The following DAPK1 variants were observed in gnomAD, a reference collection of about 807,000 sequenced individuals.
DAPK1 encodes the protein death-associated protein kinase 1.
A neutral mutation model predicts 144.9 loss-of-function variants in DAPK1; 56 were observed. That is an observed-to-expected ratio of 0.39 (90% CI 0.31 to 0.48). DAPK1 has a LOEUF of 0.48. Ranked by LOEUF, DAPK1 falls within the 20% of genes least tolerant of loss-of-function variation. The pLI is 0.95. For synonymous variants in DAPK1, 690 were observed against 749.0 expected, an observed-to-expected ratio of 0.92 and a Z score of 1.29; for missense variants, 1,454 against 1,875.4, an observed-to-expected ratio of 0.78 and a Z score of 4.15.
intron 3 of DAPK1, chr9:87,632,923 A>ATATATATATATATATATATATATAT (rs1829756847): frequency 5.7e-6 from 4 of 698,206 alleles, no homozygotes; most frequent in Non-Finnish European, 6.7e-6. Context: ...TATATATATA[A>ATATATATATATATATATATATATAT]ATGAAGGGTG....
chr9:87,614,726 G>A (rs1204873455), intron 3 of DAPK1, among the ~76,000 whole-genome samples: 5 of 152,178 alleles, frequency 3.3e-5, no homozygotes, highest in Non-Finnish European at 7.3e-5. Context: ...CGCTGCTCCA[G>A]TATGTTCCCC....
intron 19 of DAPK1, among the ~76,000 whole-genome samples, chr9:87,674,183 A>C (rs1824276298): frequency 1.3e-5 from 2 of 152,132 alleles, no homozygotes; most frequent in South Asian, 4.1e-4. Context: ...CCATCCTTCT[A>C]ATCAGATTTT....
At chr9:87,514,126 C>G (rs1478855171) in intron 2 of DAPK1, among the ~76,000 whole-genome samples, 1 of 152,142 alleles carries the variant, frequency 6.6e-6, no homozygotes, top group East Asian at 1.9e-4. Context: ...AGAGATCAGT[C>G]TTGACTGATG....
intron 18 of DAPK1, among the ~76,000 whole-genome samples, chr9:87,662,040 T>A (rs1343571214): frequency 6.6e-6 from 1 of 152,166 alleles, no homozygotes. Context: ...TTTCTGCAAA[T>A]AGATATCCAA....
At chr9:87,674,427 A>G (rs921194198) in intron 19 of DAPK1, among the ~76,000 whole-genome samples, 1 of 150,406 alleles carries the variant, frequency 6.6e-6, no homozygotes. Flanking sequence ...AGGCAGTAGA[A>G]TCGCTTGAAC....
At chr9:87,558,607 C>T (rs4878102) in intron 2 of DAPK1, among the ~76,000 whole-genome samples, 52,012 of 151,994 alleles carry the variant, frequency 0.34, 9,226 homozygotes, top group Middle Eastern at 0.51. Context: ...TTCCTCGATA[C>T]TAGCTGGTCT....
At chr9:87,630,565 C>T (rs536387382) in intron 3 of DAPK1, among the ~76,000 whole-genome samples, 1 of 152,236 alleles carries the variant, frequency 6.6e-6, no homozygotes, top group East Asian at 1.9e-4. Context: ...TGGGGGATTA[C>T]ATCGGATGTT....
Position 87,681,629 on chromosome 9 carries a change from A to G in DAPK1, c.2224+3A>G, listed in dbSNP as rs774363330. On this transcript the variant is annotated splice_donor_region_variant and intron_variant, in intron 20 of 25. Coordinates refer to ENST00000408954, the MANE Select transcript of DAPK1 (RefSeq NM_004938.4). ...ACCCCTGGCTTCTAAGCCCACAGGT[A>G]GGAACCTCCATGCTGGCCCCGTCTC... 8.9e-6 allele frequency: 13 copies of G among 1,452,840 alleles called. No homozygotes were observed. The highest frequency in any genetic ancestry group is 3.5e-4 in the Middle Eastern group (2 of 5,756). 90.0% of individuals were successfully genotyped at this position (1,452,840 alleles called of 1,614,324 possible). A position where few individuals can be genotyped will look rare whatever the true frequency, so the allele number is the denominator to read the frequency against.
At chr9:87,520,552 G>GC (rs1255309628) in intron 2 of DAPK1, among the ~76,000 whole-genome samples, 3 of 152,206 alleles carry the variant, frequency 2.0e-5, no homozygotes. Context: ...GTTGTTTGAA[G>GC]CAGGTGTTTA....
At chr9:87,519,532 CAG>C (rs1825213684) in intron 2 of DAPK1, among the ~76,000 whole-genome samples, 1 of 146,506 alleles carries the variant, frequency 6.8e-6, no homozygotes, top group South Asian at 2.3e-4. Flanking sequence ...CTGATCATGT[CAG>C]AGACATCTGC....
rs73481348 is a variant in DAPK1 at position 87,631,029 on chromosome 9, C to G, written c.285-6914C>G. ...TCCTTATATCTCTTCAAGTCACCCA[C>G]CCCTTGAGGCCAGAATTGGAGCTGG... is the stretch of plus-strand genomic sequence containing the variant. On this transcript the variant is annotated intron_variant, in intron 3 of 25. Coordinates refer to ENST00000408954, the MANE Select transcript of DAPK1 (RefSeq NM_004938.4). 4.7e-3 allele frequency among the ~76,000 whole-genome samples: 720 copies of G among 152,288 alleles called. 3 individuals are homozygous for G. The highest frequency in any genetic ancestry group is 0.016 in the African/African-American group (685 of 41,552).
intron 2 of DAPK1, among the ~76,000 whole-genome samples, chr9:87,507,416 G>T (rs1169198939): frequency 6.6e-6 from 1 of 152,158 alleles, no homozygotes; most frequent in East Asian, 1.9e-4. Context: ...TGTTAGTCTG[G>T]CTGGTCTTGA....
chr9:87,693,091 C>T (rs898291770), intron 21 of DAPK1, among the ~76,000 whole-genome samples: 1 of 147,030 alleles, frequency 6.8e-6, no homozygotes, highest in African/African-American at 2.5e-5. Flanking sequence ...GAGAGCTCTA[C>T]AGCTTCCTGC....
chr9:87,564,441 T>G (rs1827042782), intron 2 of DAPK1, among the ~76,000 whole-genome samples: 1 of 152,086 alleles, frequency 6.6e-6, no homozygotes, highest in South Asian at 2.1e-4. Flanking sequence ...ACAGAATACG[T>G]GAGAATGGGT....
chr9:87,615,401 G>T (rs1829059978), intron 3 of DAPK1, among the ~76,000 whole-genome samples: 1 of 152,254 alleles, frequency 6.6e-6, no homozygotes, highest in African/African-American at 2.4e-5. Context: ...AATGAAGGCA[G>T]TGACCGAGCA....
At chr9:87,667,950 T>G (rs1831116064) in intron 18 of DAPK1, 1 of 152,788 alleles carries the variant, frequency 6.5e-6, no homozygotes, top group South Asian at 2.1e-4. Flanking sequence ...AAATACTTGC[T>G]GTCATCGTGT....
intron 2 of DAPK1, among the ~76,000 whole-genome samples, chr9:87,529,774 T>A (rs1175014397): frequency 6.6e-6 from 1 of 152,234 alleles, no homozygotes; most frequent in Non-Finnish European, 1.5e-5. Context: ...GGGCTCAGGC[T>A]AGGCTGGGAG....
At chr9:87,506,055 G>A (rs957232481) in intron 2 of DAPK1, among the ~76,000 whole-genome samples, 14 of 152,174 alleles carry the variant, frequency 9.2e-5, no homozygotes, top group Non-Finnish European at 1.8e-4. Flanking sequence ...TTATCCACCT[G>A]TGTTTAGACA....
At chr9:87,662,751 A>G (rs1163264905) in intron 18 of DAPK1, among the ~76,000 whole-genome samples, 1 of 151,898 alleles carries the variant, frequency 6.6e-6, no homozygotes, top group East Asian at 1.9e-4. Context: ...TTCTAGATAT[A>G]AAATCATATC....
Sources: gnomAD v4.1 joint callset for allele counts (sites outside exome capture counted in the v4.1 genomes callset) on GRCh38, gnomAD v4.1.1 for gene constraint, MANE v1.5 for transcripts, NCBI Gene and HGNC (gene_info 2026-07-23, HGNC 2026-07-21) for gene names.